The following SRP72 variants were observed in gnomAD, a reference collection of about 807,000 sequenced individuals.
SRP72 encodes signal recognition particle subunit SRP72.
SRP72 carries 49 observed loss-of-function variants against 96.3 expected under a neutral mutation model. That is an observed-to-expected ratio of 0.51 (90% CI 0.40 to 0.65). The LOEUF (loss-of-function observed/expected upper bound fraction) is 0.65. SRP72 is among the 30% of genes least tolerant of loss of function. The probability of loss-of-function intolerance (pLI) is 0.00; values close to 1 mark genes in which losing one functional copy is unlikely to be tolerated. For synonymous variants in SRP72, 267 were observed against 275.2 expected (o/e 0.97, Z 0.30); for missense variants, 736 against 793.3 (o/e 0.93, Z 0.87).
intron 3 of SRP72, among the ~76,000 whole-genome samples, chr4:56,472,773 T>C (rs921199024): frequency 7.2e-5 from 11 of 152,170 alleles, no homozygotes; most frequent in African/African-American, 2.4e-4. Flanking sequence ...AATTCATGGA[T>C]TGTAGGTCTA....
chr4:56,476,716 C>T lies in SRP72; in HGVS notation c.642+14C>T. On this transcript the variant is annotated intron_variant, in intron 6 of 18. Coordinates refer to ENST00000642900, the MANE Select transcript of SRP72 (RefSeq NM_006947.4). Reference sequence around the variant, plus strand: ...TCAGAAGACACTGTAAGTATTCCATCATTGTTAAACCTAAATTTTACACTT... The same window carrying T: ...TCAGAAGACACTGTAAGTATTCCATTATTGTTAAACCTAAATTTTACACTT... The T allele has an allele frequency of 1.2e-6, 2 of 1,611,506 alleles. No homozygotes were observed. The highest frequency in any genetic ancestry group is 1.7e-6 in the Non-Finnish European group (2 of 1,179,008).
At chr4:56,471,529 G>A (rs1293163242) in intron 2 of SRP72, among the ~76,000 whole-genome samples, 191 bp from the exon 3 acceptor site, 3 of 152,208 alleles carry the variant, frequency 2.0e-5, no homozygotes, top group African/African-American at 7.2e-5. Context: ...TAGGGAAGTT[G>A]ATATATGCTT....
At chr4:56,468,036 A>G (rs1578171058) in intron 1 of SRP72, among the ~76,000 whole-genome samples, 1 of 152,350 alleles carries the variant, frequency 6.6e-6, no homozygotes, top group East Asian at 1.9e-4. Context: ...CCCGGAGTCC[A>G]TTTCAAACTG....
At position 56,471,931 on chromosome 4, in the gene SRP72, C is replaced by T. The variant is rs1391665542; in HGVS notation, c.354+88C>T. 2.7e-6 allele frequency: 4 copies of T among 1,497,514 alleles called. No homozygotes were observed. The Admixed American group carries it at 8.2e-5, about 31-fold the overall frequency. 92.8% of individuals were successfully genotyped at this position (1,497,514 alleles called of 1,614,324 possible). A position where few individuals can be genotyped will look rare whatever the true frequency, so the allele number is the denominator to read the frequency against. Reference sequence around the variant, plus strand: ...AGGAGCAGGGTTGAGGAAACCCAGCCCATCCTGATGCTCCACAAAACTGAC... The same window carrying T: ...AGGAGCAGGGTTGAGGAAACCCAGCTCATCCTGATGCTCCACAAAACTGAC... On this transcript the variant is annotated intron_variant, in intron 3 of 18. Transcript: ENST00000642900.
At chr4:56,481,497 A>G (rs1720481758) in intron 8 of SRP72, among the ~76,000 whole-genome samples, 5 of 152,094 alleles carry the variant, frequency 3.3e-5, no homozygotes, top group Admixed American at 3.3e-4. Context: ...CCACATGGGA[A>G]TTTTAGAAAT....
intron 5 of SRP72, chr4:56,475,686 A>G (rs1216852945): frequency 6.6e-6 from 1 of 152,182 alleles, no homozygotes; most frequent in African/African-American, 2.4e-5. Context: ...TTTCTTGATC[A>G]TACCCAATGA....
At chr4:56,482,707 C>T (rs1720551047) in intron 8 of SRP72, among the ~76,000 whole-genome samples, 1 of 152,100 alleles carries the variant, frequency 6.6e-6, no homozygotes. Context: ...TAGAAATTGC[C>T]AAGTTAGGTA....
At chr4:56,491,631 A>G in intron 16 of SRP72, 63 bp downstream of exon 16, 2 of 1,483,674 alleles carry the variant, frequency 1.3e-6, no homozygotes, top group South Asian at 1.2e-5. Context: ...AATAAAAAAT[A>G]CATTCTCATA....
chr4:56,492,417 G>T (rs1720941636), intron 16 of SRP72, among the ~76,000 whole-genome samples: 2 of 152,132 alleles, frequency 1.3e-5, no homozygotes, highest in African/African-American at 4.8e-5. Context: ...TAAAAATATA[G>T]TTAGCAGAGA....
At chr4:56,484,619 G>T in intron 9 of SRP72, 117 bp from the exon 10 acceptor site, 1 of 1,350,434 alleles carries the variant, frequency 7.4e-7, no homozygotes, top group Non-Finnish European at 1.0e-6. Flanking sequence ...ACCCTAGGCA[G>T]TTCTTTGGTT....
intron 6 of SRP72, 62 bp from the exon 7 acceptor site, chr4:56,478,317 A>T (rs1720331962): frequency 6.7e-7 from 1 of 1,489,120 alleles, no homozygotes; most frequent in Non-Finnish European, 9.0e-7. Context: ...TGTTTGGGTC[A>T]TTTGGAAAAT....
Position 56,503,153 on chromosome 4 carries a change from A to T in SRP72, c.*1292A>T, listed in dbSNP as rs539424418. 6.6e-6 allele frequency: 1 copy of T among 152,348 alleles called. No homozygotes were observed. The highest frequency in any genetic ancestry group is 2.1e-4 in the South Asian group (1 of 4,832). 9.4% of individuals were successfully genotyped at this position (152,348 alleles called of 1,614,324 possible). On this transcript the variant is annotated 3_prime_UTR_variant, in exon 19 of 19. Coordinates refer to ENST00000642900, the MANE Select transcript of SRP72 (RefSeq NM_006947.4). ...TGAAAGACTTTCCTCCTTTACAAGA[A>T]AGAAATGGGGTGCTGCCTTTCTGTT... is the stretch of plus-strand genomic sequence containing the variant.
chr4:56,484,861 T>A lies in SRP72; in HGVS notation c.1083T>A (p.Leu361=). 1 of 1,607,234 alleles carries A rather than the reference T, an allele frequency of 6.2e-7. No homozygotes were observed. Among genetic ancestry groups the A allele is most frequent in the Admixed American group, 1.7e-5 (1 of 57,718 alleles). Residue 361 remains leucine, a synonymous_variant, in exon 10 of 19, where the codon CTT becomes CTA. Transcript: ENST00000642900. The part of the protein sequence containing the change: ...EKQHTKAIEL[L]QEFSDQHPEN... Reference sequence around the variant, plus strand: ...AGCACACAAAAGCAATAGAGCTGCTTCAGGTAAAATAATTACTTGAATGAG... The same window carrying A: ...AGCACACAAAAGCAATAGAGCTGCTACAGGTAAAATAATTACTTGAATGAG...
chr4:56,485,884 C>G (rs896869368), intron 10 of SRP72, among the ~76,000 whole-genome samples: 1 of 152,024 alleles, frequency 6.6e-6, no homozygotes, highest in Non-Finnish European at 1.5e-5. Flanking sequence ...TCATTACTCC[C>G]TAGATAATAT....
chr4:56,474,735 G>C (rs904098549), intron 5 of SRP72, among the ~76,000 whole-genome samples: 2 of 151,992 alleles, frequency 1.3e-5, no homozygotes, highest in Non-Finnish European at 2.9e-5. Context: ...GTAGAAATGG[G>C]GTTTCACCAT....
chr4:56,482,835 C>T (rs986734427), intron 8 of SRP72, among the ~76,000 whole-genome samples: 1 of 152,090 alleles, frequency 6.6e-6, no homozygotes, highest in African/African-American at 2.4e-5. Flanking sequence ...TTCTTTAAAG[C>T]AGTTCACTTG....
rs547458275 is a variant in SRP72, at chr4:56,472,041, A to G, written c.354+198A>G. Among the ~76,000 whole-genome samples, 20 of 152,330 alleles carry G rather than the reference A, an allele frequency of 1.3e-4. No homozygotes were observed. The East Asian group carries it at 3.9e-3, about 29-fold the overall frequency. ...TTGCATATATAATGTGCTATGAACA[A>G]ATGACTTCCTCAGGTAATCAGAAAA... On this transcript the variant is annotated intron_variant, in intron 3 of 18. Transcript: ENST00000642900.
chr4:56,494,770 G>A (rs761449060), intron 16 of SRP72, among the ~76,000 whole-genome samples: 6 of 151,672 alleles, frequency 4.0e-5, no homozygotes, highest in Non-Finnish European at 2.9e-5. Context: ...GCCTTTTTTG[G>A]TCAATGTACT....
In SRP72 at chr4:56,502,482, TGTATATATATATAC is replaced by T. The variant is rs1363812486; in HGVS notation, c.*622_*635del. 5 of 102,100 alleles carry T rather than the reference TGTATATATATATAC, an allele frequency of 4.9e-5. No homozygotes were observed. 6.3% of individuals were successfully genotyped at this position (102,100 alleles called of 1,614,324 possible). On this transcript the variant is annotated 3_prime_UTR_variant, in exon 19 of 19. Transcript: ENST00000642900. ...TTTCATGTTTATATATATATATATA[TGTATATATATATAC>T]ATATATATATATATATAAACATGAA... is the stretch of plus-strand genomic sequence containing the variant.
Sources: allele counts gnomAD v4.1 joint callset (sites outside exome capture counted in the v4.1 genomes callset), GRCh38; gene constraint gnomAD v4.1.1; transcripts MANE v1.5; gene names NCBI Gene and HGNC (gene_info 2026-07-23, HGNC 2026-07-21).